FHOD3: variants seen among roughly 807,000 people sequenced by gnomAD.
The protein encoded by FHOD3 is FH1/FH2 domain-containing protein 3.
A neutral mutation model predicts 173.0 loss-of-function variants in FHOD3; 90 were observed. That is an observed-to-expected ratio of 0.52 (90% confidence interval 0.44 to 0.62). The LOEUF (loss-of-function observed/expected upper bound fraction) is 0.62, where lower values mean the gene tolerates loss of function less well. Among genes scored for constraint, FHOD3 ranks in the 20% least tolerant of loss-of-function variants. The pLI, the probability that FHOD3 is intolerant of heterozygous loss-of-function variation, is 0.00. For synonymous variants in FHOD3, 828 were observed against 823.0 expected (o/e 1.01, Z -0.10); for missense variants, 1,945 against 2,034.7 (o/e 0.96, Z 0.85).
At chr18:36,303,356 G>C (rs1378912359) in intron 1 of FHOD3, among the ~76,000 whole-genome samples, 1 of 152,092 alleles carries the variant, frequency 6.6e-6, no homozygotes, top group African/African-American at 2.4e-5. Flanking sequence ...TGTGCAGATG[G>C]GGGTGGGGTA....
intron 17 of FHOD3, among the ~76,000 whole-genome samples, chr18:36,701,791 A>G (rs1444505056): frequency 6.6e-6 from 1 of 152,184 alleles, no homozygotes; most frequent in African/African-American, 2.4e-5. Context: ...TGTCAAAACC[A>G]TGGAGAAGTT....
intron 27 of FHOD3, among the ~76,000 whole-genome samples, chr18:36,761,810 C>T (rs1430239627): frequency 6.6e-6 from 1 of 152,026 alleles, no homozygotes; most frequent in Non-Finnish European, 1.5e-5. Flanking sequence ...ACACACTATG[C>T]GTGCAGCTAG....
At chr18:36,741,942 T>C (rs1229224746) in intron 21 of FHOD3, among the ~76,000 whole-genome samples, 2 of 151,932 alleles carry the variant, frequency 1.3e-5, no homozygotes, top group Non-Finnish European at 2.9e-5. Flanking sequence ...CACCTAGGGA[T>C]TGCTGAGGTG....
Position 36,693,039 on chromosome 18 carries a change from G to A in FHOD3, c.2022-170G>A, listed in dbSNP as rs2039054652. 7.9e-5 allele frequency: 51 copies of A among 642,098 alleles called. 2 individuals are homozygous for A. In the South Asian group the frequency reaches 9.6e-4, roughly 12 times the overall value. 39.8% of individuals were successfully genotyped at this position (642,098 alleles called of 1,614,324 possible). A position where few individuals can be genotyped will look rare whatever the true frequency, so the allele number is the denominator to read the frequency against. ...AGTGACGTGGGATTTTTAATCATTA[G>A]CATCTTGGCTTTGCTGGGTGTTTTT... On this transcript the variant is annotated intron_variant, in intron 16 of 28. Transcript: ENST00000590592.
intron 28 of FHOD3, among the ~76,000 whole-genome samples, chr18:36,774,032 G>C (rs1213498375): frequency 6.6e-6 from 1 of 152,216 alleles, no homozygotes; most frequent in Non-Finnish European, 1.5e-5. Context: ...AGATTCCTGA[G>C]CTGCCTTTCC....
At chr18:36,389,900 T>A (rs62086161) in intron 3 of FHOD3, among the ~76,000 whole-genome samples, 21,623 of 151,982 alleles carry the variant, frequency 0.14, 1,958 homozygotes, top group Middle Eastern at 0.33. Flanking sequence ...ACCCTCAAGG[T>A]CACCTGCCCC....
At chr18:36,481,419 G>C (rs1472077186) in intron 3 of FHOD3, among the ~76,000 whole-genome samples, 1 of 149,830 alleles carries the variant, frequency 6.7e-6, no homozygotes, top group African/African-American at 2.5e-5. Context: ...TTAAGTTGCT[G>C]TAAAGTGGGG....
rs1230426796 is a variant in FHOD3, at chr18:36,496,234, A to G, written c.338-5698A>G. Among the ~76,000 whole-genome samples the G allele has an allele frequency of 2.6e-5, 4 of 152,196 alleles. No individual in the cohort carries two copies. The East Asian group carries it at 7.7e-4, about 29-fold the overall frequency. ...ACCCAGGCCCTGGGCTGTGGGAGGAAGTGCTTCTCCTTTGGTCTGTGTGGG... is the reference window on the plus strand; with the variant it reads ...ACCCAGGCCCTGGGCTGTGGGAGGAGGTGCTTCTCCTTTGGTCTGTGTGGG... On this transcript the variant is annotated intron_variant, in intron 3 of 28. Coordinates refer to ENST00000590592, the MANE Select transcript of FHOD3 (RefSeq NM_001281740.3).
chr18:36,747,159 G>A, intron 24 of FHOD3, 24 bp downstream of exon 24: 2 of 1,568,384 alleles, frequency 1.3e-6, no homozygotes, highest in Non-Finnish European at 8.7e-7. Flanking sequence ...GGAACTTATA[G>A]AAATATCAGT....
At chr18:36,695,543 A>G (rs2039233075) in intron 17 of FHOD3, among the ~76,000 whole-genome samples, 1 of 152,078 alleles carries the variant, frequency 6.6e-6, no homozygotes, top group South Asian at 2.1e-4. Flanking sequence ...TTTTTCCTGG[A>G]AAAAAGTCAA....
chr18:36,730,140 T>C (rs1399598741), intron 19 of FHOD3, among the ~76,000 whole-genome samples: 1 of 152,118 alleles, frequency 6.6e-6, no homozygotes, highest in Non-Finnish European at 1.5e-5. Context: ...AATGGCAAGG[T>C]GAGGGCTTTG....
At chr18:36,363,636 G>C (rs1432492729) in intron 2 of FHOD3, among the ~76,000 whole-genome samples, 1 of 152,158 alleles carries the variant, frequency 6.6e-6, no homozygotes, top group Non-Finnish European at 1.5e-5. Context: ...AGTGGGAGTT[G>C]AGATTGGGAG....
chr18:36,446,973 G>A (rs2051522836), intron 3 of FHOD3, among the ~76,000 whole-genome samples: 1 of 152,180 alleles, frequency 6.6e-6, no homozygotes, highest in Non-Finnish European at 1.5e-5. Flanking sequence ...TGGGGAGGTT[G>A]AGGGTGAGGC....
chr18:36,519,820 A>G (rs1408322938), intron 5 of FHOD3, among the ~76,000 whole-genome samples: 1 of 152,032 alleles, frequency 6.6e-6, no homozygotes, highest in Non-Finnish European at 1.5e-5. Context: ...TCAGCTTCTA[A>G]CTCTACCTAA....
intron 7 of FHOD3, 22 bp downstream of exon 7, chr18:36,594,920 A>G (rs1265790528): frequency 6.6e-7 from 1 of 1,518,062 alleles, no homozygotes. Context: ...CTGCCCCCTT[A>G]TGTCATGAAG....
At chr18:36,626,279 G>T (rs1351315885) in intron 10 of FHOD3, among the ~76,000 whole-genome samples, 2 of 152,170 alleles carry the variant, frequency 1.3e-5, no homozygotes, top group Non-Finnish European at 2.9e-5. Flanking sequence ...GTGTCTGTTA[G>T]AGGCCAGGAC....
intron 14 of FHOD3, among the ~76,000 whole-genome samples, chr18:36,678,399 T>C (rs1333714756): frequency 1.3e-5 from 2 of 151,716 alleles, no homozygotes; most frequent in African/African-American, 2.4e-5. Flanking sequence ...TAAATGGGCA[T>C]GATGGTGCAT....
At chr18:36,490,122 G>C (rs2054392833) in intron 3 of FHOD3, among the ~76,000 whole-genome samples, 2 of 152,194 alleles carry the variant, frequency 1.3e-5, no homozygotes, top group Non-Finnish European at 2.9e-5. Context: ...TGGGTGAGCA[G>C]TTCAACCTCT....
rs139995320 is a variant in FHOD3 at position 36,323,257 on chromosome 18, G to A, written c.165+25257G>A. ...AGTTGGGAACTCAAAGGCCAGCAAC[G>A]GGGAATGCCTCCACGTAACACCAGG... On this transcript the variant is annotated intron_variant, in intron 1 of 28. Coordinates refer to ENST00000590592, the MANE Select transcript of FHOD3 (RefSeq NM_001281740.3). Among the ~76,000 whole-genome samples the A allele has an allele frequency of 7.3e-3, 1,116 of 152,268 alleles. 9 individuals carry two copies. The highest frequency in any genetic ancestry group is 0.025 in the African/African-American group (1,054 of 41,566).
Sources: gnomAD v4.1 joint callset for allele counts (sites outside exome capture counted in the v4.1 genomes callset) on GRCh38, gnomAD v4.1.1 for gene constraint, MANE v1.5 for transcripts, NCBI Gene and HGNC (gene_info 2026-07-23, HGNC 2026-07-21) for gene names.